The following OIT3 variants were observed in gnomAD, a reference collection of about 807,000 sequenced individuals.
The protein encoded by OIT3 is oncoprotein induced transcript 3.
In OIT3, 41 loss-of-function variants were observed where a neutral mutation model predicts 52.2. The observed-to-expected ratio is 0.79, with a 90% CI of 0.61 to 1.02. The LOEUF (loss-of-function observed/expected upper bound fraction) is 1.02. Ranked by LOEUF, OIT3 falls within the 50% of genes least tolerant of loss-of-function variation. OIT3 has a pLI of 0.00. For synonymous variants in OIT3, 244 were observed against 276.9 expected, an observed-to-expected ratio of 0.88 and a Z score of 1.18; for missense variants, 634 against 715.5, an observed-to-expected ratio of 0.89 and a Z score of 1.30.
At chr10:72,917,778 T>A (rs1272423145) in intron 6 of OIT3, 1 of 1,438,924 alleles carries the variant, frequency 6.9e-7, no homozygotes, top group African/African-American at 1.4e-5. Context: ...CATTTTTGCT[T>A]TAATGTCTTC....
chr10:72,901,251 T>C (rs1279948773), intron 3 of OIT3, among the ~76,000 whole-genome samples: 2 of 152,232 alleles, frequency 1.3e-5, no homozygotes, highest in African/African-American at 4.8e-5. Flanking sequence ...TGAACAGCAC[T>C]GGTCTGGTCT....
chr10:72,918,635 C>G (rs1846095220), intron 6 of OIT3: 1 of 664,030 alleles, frequency 1.5e-6, no homozygotes, highest in South Asian at 1.7e-5. Flanking sequence ...CCAGGGTACA[C>G]TTAAGTTTTT....
intron 6 of OIT3, among the ~76,000 whole-genome samples, chr10:72,916,735 G>T (rs1846076335): frequency 6.6e-6 from 1 of 152,098 alleles, no homozygotes; most frequent in African/African-American, 2.4e-5. Flanking sequence ...CTGTCTTCAG[G>T]TCTTTGAGGA....
chr10:72,924,357 C>A lies in OIT3; in HGVS notation c.1080C>A (p.Arg360=). ...TCCCGGTGACCTGCGAGTTTCCACG[C>A]CTGTACACCATTTCTGAAGGATACG... ...LLIPVTCEFP[R]LYTISEGYVP... is the part of the protein sequence containing the mutation. Residue 360 remains arginine (R), a synonymous_variant, in exon 7 of 9, where the codon CGC becomes CGA. Coordinates refer to ENST00000334011, the MANE Select transcript of OIT3 (RefSeq NM_152635.3). 6.2e-7 allele frequency: 1 copy of A among 1,614,118 alleles called. No individual in the cohort carries two copies. Among genetic ancestry groups the A allele is most frequent in the Non-Finnish European group, 8.5e-7 (1 of 1,180,014 alleles).
chr10:72,902,077 C>A (rs1375049640), intron 3 of OIT3, among the ~76,000 whole-genome samples: 2 of 151,912 alleles, frequency 1.3e-5, no homozygotes, highest in Non-Finnish European at 2.9e-5. Flanking sequence ...ATAAATACTT[C>A]AATAAATAAA....
At chr10:72,928,122 T>A (rs543877832) in intron 7 of OIT3, among the ~76,000 whole-genome samples, 2 of 152,324 alleles carry the variant, frequency 1.3e-5, no homozygotes, top group East Asian at 1.9e-4. Flanking sequence ...TAAATTTAAA[T>A]CAAGTTGGTT....
intron 8 of OIT3, among the ~76,000 whole-genome samples, chr10:72,931,560 A>G (rs1846216687): frequency 6.6e-6 from 1 of 152,202 alleles, no homozygotes; most frequent in South Asian, 2.1e-4. Flanking sequence ...GCATTGTTAC[A>G]AGGGGGTAAA....
chr10:72,898,109 C>T (rs1412526020), intron 1 of OIT3, among the ~76,000 whole-genome samples: 1 of 148,626 alleles, frequency 6.7e-6, no homozygotes, highest in African/African-American at 2.6e-5. Context: ...ATGCCAAAAC[C>T]CTATCTCTAC....
chr10:72,898,720 C>G lies in OIT3; in HGVS notation c.118C>G (p.His40Asp). 3 of 1,613,968 alleles carry G rather than the reference C, an allele frequency of 1.9e-6. No homozygotes were observed. The highest frequency in any genetic ancestry group is 2.5e-6 in the Non-Finnish European group (3 of 1,179,904). Reference sequence around the variant, plus strand: ...GAATGAGCCCTGGAGGAACACTGACCACCAGTTGGATGAGTCTCAAGGTCC... The same window carrying G: ...GAATGAGCCCTGGAGGAACACTGACGACCAGTTGGATGAGTCTCAAGGTCC... ...SLNEPWRNTD[H>D]QLDESQGPPL... Residue 40 changes from histidine (H) to aspartate (D), a missense_variant, in exon 2 of 9, where the codon CAC (histidine) becomes GAC (aspartate). Coordinates refer to ENST00000334011, the MANE Select transcript of OIT3 (RefSeq NM_152635.3).
Position 72,931,527 on chromosome 10 carries a change from G to A in OIT3, c.1468-827G>A, listed in dbSNP as rs562544948. On this transcript the variant is annotated intron_variant, in intron 8 of 8. Transcript: ENST00000334011. The stretch of plus-strand genomic sequence containing the variant: ...CAAATTTTTAAGCCAAAACAGACAA[G>A]GTGTATTGGAAGTGTTTGTAGAGCA... Among the ~76,000 whole-genome samples, 11 of 152,174 alleles carry A rather than the reference G, an allele frequency of 7.2e-5. No individual in the cohort carries two copies. The South Asian group carries it at 2.3e-3, about 32-fold the overall frequency.
At position 72,930,637 on chromosome 10, in the gene OIT3, G is replaced by C; in HGVS notation, c.1467G>C (p.Lys489Asn). ...PVFKFVGKDH[K>N]EVFLHCRVLV... ...TCAAGTTTGTGGGCAAAGACCACAA[G>C]GTGAGTTGAACATCTTTAATTTATA... Residue 489 changes from lysine to asparagine, a missense_variant and splice_region_variant, in exon 8 of 9, where the codon AAG becomes AAC. Coordinates refer to ENST00000334011, the MANE Select transcript of OIT3 (RefSeq NM_152635.3). 6.5e-7 allele frequency: 1 copy of C among 1,543,096 alleles called. No homozygotes were observed. Among genetic ancestry groups the C allele is most frequent in the Non-Finnish European group, 8.9e-7 (1 of 1,117,796 alleles).
At position 72,932,512 on chromosome 10, in the gene OIT3, C is replaced by T; in HGVS notation, c.1626C>T (p.Asp542=). Residue 542 remains aspartate (D), a synonymous_variant, in exon 9 of 9, where the codon GAC becomes GAT. Transcript: ENST00000334011. The part of the protein sequence containing the change: ...QTLTGGPIRI[D]WED ...TAACAGGCGGCCCGATCCGCATCGA[C>T]TGGGAGGACTAGTTCGTAGCCATAC... The T allele has an allele frequency of 6.2e-7, 1 of 1,604,844 alleles. No homozygotes were observed. The highest frequency in any genetic ancestry group is 8.5e-7 in the Non-Finnish European group (1 of 1,175,304).
Position 72,911,794 on chromosome 10 carries a change from T to C in OIT3, c.745T>C (p.Cys249Arg), listed in dbSNP as rs747596891. 2 of 1,613,838 alleles carry C rather than the reference T, an allele frequency of 1.2e-6. No homozygotes were observed. Among genetic ancestry groups the C allele is most frequent in the Non-Finnish European group, 1.7e-6 (2 of 1,179,820 alleles). The change falls in exon 5 of 9, where the codon TGT becomes CGT. Residue 249 changes from cysteine to arginine, a missense_variant. Cys to Arg is a radical substitution (Grantham distance 180). Coordinates refer to ENST00000334011, the MANE Select transcript of OIT3 (RefSeq NM_152635.3). ...ATCTGAGAAAGGCTACCAGTGTGAATGTCCCCGGGGCCTGGTGCTGTCTGA... is the reference window on the plus strand; with the variant it reads ...ATCTGAGAAAGGCTACCAGTGTGAACGTCCCCGGGGCCTGGTGCTGTCTGA... ...LGSEKGYQCE[C>R]PRGLVLSEDN...
chr10:72,894,224 A>G (rs147514665), intron 1 of OIT3, among the ~76,000 whole-genome samples: 14 of 152,288 alleles, frequency 9.2e-5, no homozygotes, highest in African/African-American at 3.4e-4. Flanking sequence ...TTTTTCTTTA[A>G]TGAAGGCAAG....
At chr10:72,894,035 C>A (rs1845852611) in intron 1 of OIT3, among the ~76,000 whole-genome samples, 176 bp downstream of exon 1, 1 of 152,146 alleles carries the variant, frequency 6.6e-6, no homozygotes, top group Non-Finnish European at 1.5e-5. Context: ...GTTACATGTT[C>A]CATTTAGCCT....
intron 6 of OIT3, among the ~76,000 whole-genome samples, chr10:72,918,736 T>C (rs542446599): frequency 6.6e-6 from 1 of 152,358 alleles, no homozygotes; most frequent in South Asian, 2.1e-4. Flanking sequence ...CCCAGCACCG[T>C]TTCCTCATTG....
chr10:72,928,060 A>G (rs1051039464), intron 7 of OIT3, among the ~76,000 whole-genome samples: 6 of 152,114 alleles, frequency 3.9e-5, no homozygotes, highest in African/African-American at 1.4e-4. Context: ...TTTTACTTAT[A>G]TTTATTAATT....
intron 2 of OIT3, 66 bp from the exon 3 acceptor site, chr10:72,900,306 ATCTCT>A: frequency 1.8e-6 from 1 of 548,152 alleles, no homozygotes. Flanking sequence ...CCCCCGCACC[ATCTCT>A]AAAAAGAATG....
At chr10:72,917,880 G>A (rs944419046) in intron 6 of OIT3, 3 of 1,269,250 alleles carry the variant, frequency 2.4e-6, no homozygotes, top group Non-Finnish European at 3.4e-6. Flanking sequence ...TGATGGTTTT[G>A]AGTCTTTTCC....
Sources: allele counts gnomAD v4.1 joint callset (sites outside exome capture counted in the v4.1 genomes callset), GRCh38; gene constraint gnomAD v4.1.1; transcripts MANE v1.5; gene names NCBI Gene and HGNC (gene_info 2026-07-23, HGNC 2026-07-21).